SERPINB2: variants seen among roughly 807,000 people sequenced by gnomAD.
SERPINB2 encodes the protein serpin family B member 2.
A neutral mutation model predicts 39.4 loss-of-function variants in SERPINB2; 28 were observed. The observed-to-expected ratio is 0.71, with a 90% confidence interval of 0.53 to 0.97. SERPINB2 has a LOEUF of 0.97. Ranked by LOEUF, SERPINB2 falls within the 50% of genes least tolerant of loss-of-function variation. SERPINB2 has a pLI of 0.00. For missense variants in SERPINB2, 557 were observed against 505.3 expected (o/e 1.10, Z -0.98); for synonymous variants, 209 against 175.1 (o/e 1.19, Z -1.53).
At chr18:63,897,952 A>G (rs533337669) in intron 5 of SERPINB2, 108 bp downstream of exon 5, 2 of 721,248 alleles carry the variant, frequency 2.8e-6, no homozygotes, top group Non-Finnish European at 4.8e-6. Flanking sequence ...AATTTGTCCA[A>G]CTGCAGTTAC....
Position 63,895,295 on chromosome 18 carries a change from C to A in SERPINB2, c.200C>A (p.Ala67Glu). ...VLQFNEVGAN[A>E]VTPMTPENFT... ...CAGTTTAATGAAGTGGGAGCCAATG[C>A]AGTTACCCCCATGACTCCAGAGAAC... The change falls in exon 3 of 8, where the codon GCA (alanine) becomes GAA (glutamate). Residue 67 changes from alanine to glutamate, a missense_variant. By Grantham distance (107) the Ala-to-Glu change is moderately radical. Transcript: ENST00000299502. The A allele has an allele frequency of 6.2e-7, 1 of 1,614,018 alleles. No homozygotes were observed. Among genetic ancestry groups the A allele is most frequent in the African/African-American group, 1.3e-5 (1 of 75,036 alleles).
At chr18:63,889,704 G>A (rs2049913668) in intron 1 of SERPINB2, 1 of 151,064 alleles carries the variant, frequency 6.6e-6, no homozygotes, top group South Asian at 2.1e-4. Context: ...ACAAATTTTT[G>A]AGCCATCCAA....
chr18:63,902,221 A>C (rs1212604930), intron 6 of SERPINB2, among the ~76,000 whole-genome samples, 183 bp from the exon 7 acceptor site: 1 of 152,172 alleles, frequency 6.6e-6, no homozygotes, highest in East Asian at 1.9e-4. Context: ...AATGGGTATA[A>C]AGTTGAACAA....
intron 1 of SERPINB2, among the ~76,000 whole-genome samples, chr18:63,889,141 A>C (rs1012397648): frequency 6.6e-6 from 1 of 152,204 alleles, no homozygotes; most frequent in African/African-American, 2.4e-5. Flanking sequence ...ATTTTCATTC[A>C]TATTACAGAA....
At chr18:63,896,989 T>C in intron 3 of SERPINB2, 102 bp from the exon 4 acceptor site, 2 of 1,069,846 alleles carry the variant, frequency 1.9e-6, no homozygotes, top group East Asian at 5.2e-5. Context: ...TGTATTAATA[T>C]AGCATTTCAT....
At chr18:63,891,137 A>G (rs1435521130) in intron 1 of SERPINB2, among the ~76,000 whole-genome samples, 1 of 152,142 alleles carries the variant, frequency 6.6e-6, no homozygotes, top group Non-Finnish European at 1.5e-5. Context: ...GTATCTCAGG[A>G]CTGGCTATGT....
intron 3 of SERPINB2, 135 bp downstream of exon 3, chr18:63,895,518 T>A: frequency 8.8e-7 from 1 of 1,134,950 alleles, no homozygotes; most frequent in Admixed American, 2.2e-5. Context: ...AGACTCAGAG[T>A]CATTAAGAAA....
At chr18:63,896,309 A>C (rs145635261) in intron 3 of SERPINB2, among the ~76,000 whole-genome samples, 179 of 152,356 alleles carry the variant, frequency 1.2e-3, no homozygotes, top group Middle Eastern at 3.4e-3. Context: ...CCTGTGTCTG[A>C]CATGGTGCTT....
At chr18:63,895,519 C>T (rs1486487940) in intron 3 of SERPINB2, 136 bp downstream of exon 3, 3 of 1,124,252 alleles carry the variant, frequency 2.7e-6, no homozygotes, top group Admixed American at 4.3e-5. Flanking sequence ...GACTCAGAGT[C>T]ATTAAGAAAA....
At chr18:63,895,207 T>A in intron 2 of SERPINB2, 57 bp from the exon 3 acceptor site, 1 of 1,600,770 alleles carries the variant, frequency 6.2e-7, no homozygotes, top group Non-Finnish European at 8.5e-7. Flanking sequence ...CCATCTGTTT[T>A]AAAAGTTCAG....
rs754362816 is a variant in SERPINB2 at position 63,897,062 on chromosome 18, A to G, written c.289-29A>G. 2.0e-5 allele frequency: 32 copies of G among 1,604,210 alleles called. No homozygotes were observed. In the South Asian group the frequency reaches 3.5e-4, roughly 17 times the overall value. ...ATCTTGTTTAGTAGTTCTGTGTTATATATAAAGAATTCCTTCTTTCTTTTC... is the reference window on the plus strand; with the variant it reads ...ATCTTGTTTAGTAGTTCTGTGTTATGTATAAAGAATTCCTTCTTTCTTTTC... On this transcript the variant is annotated intron_variant, in intron 3 of 7. Transcript: ENST00000299502.
intron 5 of SERPINB2, among the ~76,000 whole-genome samples, chr18:63,898,345 C>A (rs2049973304): frequency 6.6e-6 from 1 of 152,194 alleles, no homozygotes; most frequent in Admixed American, 6.6e-5. Context: ...CCTTGATTAT[C>A]TAAGTCACGT....
At chr18:63,895,194 T>G in intron 2 of SERPINB2, 70 bp from the exon 3 acceptor site, 11 of 1,586,314 alleles carry the variant, frequency 6.9e-6, no homozygotes, top group Non-Finnish European at 9.4e-6. Context: ...AGCCACCTGA[T>G]AGCCATCTGT....
At chr18:63,888,756 C>A (rs1213223159) in intron 1 of SERPINB2, among the ~76,000 whole-genome samples, 1 of 152,162 alleles carries the variant, frequency 6.6e-6, no homozygotes, top group East Asian at 1.9e-4. Flanking sequence ...GCATATTACT[C>A]CCATTAATTC....
rs781099710 is a variant in SERPINB2, at chr18:63,903,137, G to A, written c.1080G>A (p.Val360=). 1.2e-5 allele frequency: 19 copies of A among 1,613,608 alleles called. No individual in the cohort carries two copies. The Admixed American group carries it at 2.0e-4, about 17-fold the overall frequency. Residue 360 remains valine, a synonymous_variant, in exon 8 of 8, where the codon GTG becomes GTA. Transcript: ENST00000299502. ...FLSEVFHQAM[V]DVNEEGTEAA... is the part of the protein sequence containing the mutation. The stretch of plus-strand genomic sequence containing the variant: ...CTGAAGTGTTCCACCAAGCCATGGT[G>A]GATGTGAATGAGGAGGGCACTGAAG...
chr18:63,893,866 C>T (rs1483567534), intron 2 of SERPINB2, among the ~76,000 whole-genome samples: 2 of 152,122 alleles, frequency 1.3e-5, no homozygotes, highest in African/African-American at 4.8e-5. Flanking sequence ...GATTACCGTA[C>T]TCATTTTACA....
intron 4 of SERPINB2, among the ~76,000 whole-genome samples, 195 bp from the exon 5 acceptor site, chr18:63,897,532 G>C (rs888034237): frequency 1.4e-4 from 21 of 152,048 alleles, no homozygotes; most frequent in Non-Finnish European, 2.9e-4. Flanking sequence ...CAAGAGGGTG[G>C]ATAGAGTTGG....
At chr18:63,895,499 A>G in intron 3 of SERPINB2, 116 bp downstream of exon 3, 1 of 1,278,454 alleles carries the variant, frequency 7.8e-7, no homozygotes, top group South Asian at 1.3e-5. Context: ...ATTCACAGAA[A>G]GAAAACTAAG....
At chr18:63,896,164 C>T (rs1006861057) in intron 3 of SERPINB2, among the ~76,000 whole-genome samples, 6 of 152,112 alleles carry the variant, frequency 3.9e-5, no homozygotes, top group Non-Finnish European at 8.8e-5. Flanking sequence ...ACCCATTGCC[C>T]AGGGAATTAT....
Sources: allele counts gnomAD v4.1 joint callset (sites outside exome capture counted in the v4.1 genomes callset), GRCh38; gene constraint gnomAD v4.1.1; transcripts MANE v1.5; gene names NCBI Gene and HGNC (gene_info 2026-07-23, HGNC 2026-07-21).